PRKN: variants seen among roughly 807,000 people sequenced by gnomAD.
PRKN encodes parkin RBR E3 ubiquitin protein ligase.
A neutral mutation model predicts 59.5 loss-of-function variants in PRKN; 56 were observed. That is an observed-to-expected ratio of 0.94 (90% confidence interval 0.76 to 1.18). The LOEUF (loss-of-function observed/expected upper bound fraction) is 1.18. PRKN is among the 50% of genes most tolerant of loss of function. The probability of loss-of-function intolerance (pLI) is 0.00; values close to 1 mark genes in which losing one functional copy is unlikely to be tolerated. For synonymous variants in PRKN, 250 were observed against 222.1 expected (o/e 1.13, Z -1.12); for missense variants, 657 against 596.4 (o/e 1.10, Z -1.06).
chr6:162,506,366 G>A (rs960546727), intron 1 of PRKN, among the ~76,000 whole-genome samples: 5 of 151,762 alleles, frequency 3.3e-5, no homozygotes, highest in Non-Finnish European at 1.5e-5. Context: ...ATGTGGTAGA[G>A]AAATGTCTAG....
Position 161,469,983 on chromosome 6 carries a change from T to C in PRKN, c.1083+78871A>G, listed in dbSNP as rs577769814. Among the ~76,000 whole-genome samples, 60 of 152,338 alleles carry C rather than the reference T, an allele frequency of 3.9e-4. 1 individual carries two copies. The South Asian group carries it at 0.012, about 31-fold the overall frequency. On this transcript the variant is annotated intron_variant, in intron 9 of 11. Coordinates refer to ENST00000366898, the MANE Select transcript of PRKN (RefSeq NM_004562.3). ...TAAAAATTAGCTAATGCTTGCAAAGTGCTTACTATGAACCGGGCATTGCTA... is the reference window on the plus strand; with the variant it reads ...TAAAAATTAGCTAATGCTTGCAAAGCGCTTACTATGAACCGGGCATTGCTA...
intron 1 of PRKN, among the ~76,000 whole-genome samples, chr6:162,510,186 A>G (rs754478829): frequency 2.0e-5 from 3 of 152,208 alleles, no homozygotes; most frequent in East Asian, 1.9e-4. Flanking sequence ...CACTAAATAG[A>G]CGTTTTTATT....
intron 2 of PRKN, among the ~76,000 whole-genome samples, chr6:162,332,737 A>T (rs1261819225): frequency 6.6e-6 from 1 of 152,102 alleles, no homozygotes; most frequent in Non-Finnish European, 1.5e-5. Context: ...TCCACATGAG[A>T]CACTGGCAGG....
intron 3 of PRKN, among the ~76,000 whole-genome samples, chr6:162,209,594 C>A (rs529250417): frequency 6.6e-6 from 1 of 152,086 alleles, no homozygotes; most frequent in African/African-American, 2.4e-5. Context: ...CCCAGCCATG[C>A]CATTACTGGG....
At chr6:162,130,485 C>T (rs568397717) in intron 4 of PRKN, among the ~76,000 whole-genome samples, 62 of 152,216 alleles carry the variant, frequency 4.1e-4, no homozygotes, top group African/African-American at 1.4e-3. Context: ...ATCAGAATGG[C>T]TCGAATGCCA....
rs1345000512 is a variant in PRKN, at chr6:161,525,044, C to T, written c.1083+23810G>A. ...ATATGTTTGTTGTAGCTTGTTCTTA[C>T]CTCTATTCTGCCTAAGCAAATGATA... On this transcript the variant is annotated intron_variant, in intron 9 of 11. Transcript: ENST00000366898. The surrounding 1 kb of genome is among the most constrained non-coding windows in gnomAD (Gnocchi z 4.7). Among the ~76,000 whole-genome samples the T allele has an allele frequency of 2.0e-5, 3 of 152,080 alleles. No individual in the cohort carries two copies. The highest frequency in any genetic ancestry group is 7.2e-5 in the African/African-American group (3 of 41,400).
intron 1 of PRKN, among the ~76,000 whole-genome samples, chr6:162,577,970 A>G (rs1780629174): frequency 6.6e-6 from 1 of 152,172 alleles, no homozygotes; most frequent in South Asian, 2.1e-4. Flanking sequence ...AAACTAAATA[A>G]ATACAATTGG....
intron 9 of PRKN, among the ~76,000 whole-genome samples, chr6:161,490,773 G>A (rs1777526173): frequency 6.6e-6 from 1 of 152,124 alleles, no homozygotes; most frequent in South Asian, 2.1e-4. Context: ...AATCCCCAGT[G>A]TTGACTGGAT....
chr6:162,168,141 A>T (rs989874642), intron 4 of PRKN, among the ~76,000 whole-genome samples: 1 of 152,156 alleles, frequency 6.6e-6, no homozygotes. Context: ...TCAAAGAATA[A>T]AATATTTTTG....
At chr6:162,395,555 T>C (rs951201167) in intron 2 of PRKN, among the ~76,000 whole-genome samples, 1 of 152,174 alleles carries the variant, frequency 6.6e-6, no homozygotes, top group Admixed American at 6.5e-5. Context: ...CCCAGCAGTC[T>C]CTCCACAATT....
At chr6:162,354,739 T>C (rs2128132066) in intron 2 of PRKN, among the ~76,000 whole-genome samples, 1 of 152,226 alleles carries the variant, frequency 6.6e-6, no homozygotes, top group Non-Finnish European at 1.5e-5. Context: ...TGGACAGTGC[T>C]ATCCTCAGAT....
At chr6:162,103,021 C>T (rs922471680) in intron 4 of PRKN, among the ~76,000 whole-genome samples, 34 of 130,024 alleles carry the variant, frequency 2.6e-4, no homozygotes, top group African/African-American at 2.1e-4. Flanking sequence ...CCAGCCTGGG[C>T]GAAAGAGCGA....
chr6:161,687,045 A>T (rs780339018), intron 7 of PRKN, among the ~76,000 whole-genome samples: 1 of 152,160 alleles, frequency 6.6e-6, no homozygotes. Flanking sequence ...AGAATCAAGA[A>T]GTCATGTTTG....
At chr6:162,091,744 AG>A (rs1449909600) in intron 4 of PRKN, among the ~76,000 whole-genome samples, 1 of 152,214 alleles carries the variant, frequency 6.6e-6, no homozygotes, top group Non-Finnish European at 1.5e-5. Flanking sequence ...ATCAGTAGAA[AG>A]AAAAAGGCCA....
intron 6 of PRKN, among the ~76,000 whole-genome samples, chr6:161,868,574 CTGT>C (rs1280500587): frequency 1.3e-5 from 2 of 151,940 alleles, no homozygotes; most frequent in Non-Finnish European, 2.9e-5. Flanking sequence ...GAGTGAGACT[CTGT>C]CTCTAAAACA....
At chr6:161,814,596 G>T (rs890809712) in intron 6 of PRKN, among the ~76,000 whole-genome samples, 1 of 152,076 alleles carries the variant, frequency 6.6e-6, no homozygotes, top group Non-Finnish European at 1.5e-5. Flanking sequence ...TCCGCCTCCC[G>T]GGTTCAAGCA....
At chr6:161,988,182 A>AT (rs1491267218) in intron 5 of PRKN, among the ~76,000 whole-genome samples, 5 of 151,060 alleles carry the variant, frequency 3.3e-5, no homozygotes, top group East Asian at 1.9e-4. Flanking sequence ...GGGAAAAAAA[A>AT]TTTTTTTTTT....
At chr6:161,663,093 G>A (rs535672761) in intron 7 of PRKN, among the ~76,000 whole-genome samples, 38 of 152,300 alleles carry the variant, frequency 2.5e-4, no homozygotes, top group East Asian at 1.4e-3. Context: ...CTTGCCTGCC[G>A]CCATGGAAGA....
Position 161,428,281 on chromosome 6 carries a change from C to A in PRKN, c.1084-41404G>T, listed in dbSNP as rs1002811326. ...CAAAAGACTCCAGCATTTTTCCTTC[C>A]ATTGACTGCTACCTGATATTGAGGA... On this transcript the variant is annotated intron_variant, in intron 9 of 11. Coordinates refer to ENST00000366898, the MANE Select transcript of PRKN (RefSeq NM_004562.3). This position sits in a 1 kb window ranked among gnomAD's most constrained non-coding sequence, Gnocchi z 4.0. 6.6e-6 allele frequency among the ~76,000 whole-genome samples: 1 copy of A among 152,146 alleles called. No homozygotes were observed. Among genetic ancestry groups the A allele is most frequent in the African/African-American group, 2.4e-5 (1 of 41,424 alleles).
Sources: gnomAD v4.1 joint callset for allele counts (sites outside exome capture counted in the v4.1 genomes callset) on GRCh38, gnomAD v4.1.1 for gene constraint, Gnocchi (gnomAD v3.1) non-coding constraint, MANE v1.5 for transcripts, NCBI Gene and HGNC (gene_info 2026-07-23, HGNC 2026-07-21) for gene names.